The following KCNIP3 variants were observed in gnomAD, a reference collection of about 807,000 sequenced individuals.
The protein encoded by KCNIP3 is calsenilin.
A neutral mutation model predicts 35.0 loss-of-function variants in KCNIP3; 28 were observed. That is an observed-to-expected ratio of 0.80 (90% CI 0.59 to 1.10). The LOEUF is 1.10. Ranked by LOEUF, KCNIP3 falls within the 50% of genes least tolerant of loss-of-function variation. The pLI is 0.00. For synonymous variants in KCNIP3, 134 were observed against 133.8 expected (o/e 1.00, Z -0.01); for missense variants, 295 against 338.4 (o/e 0.87, Z 1.01).
chr2:95,371,859 T>C (rs1271570409), intron 2 of KCNIP3, among the ~76,000 whole-genome samples: 12 of 150,764 alleles, frequency 8.0e-5, no homozygotes, highest in African/African-American at 2.7e-4. Flanking sequence ...GGCTGGAGTG[T>C]AATGGCGCGA....
intron 2 of KCNIP3, among the ~76,000 whole-genome samples, chr2:95,362,052 T>C (rs938996628): frequency 6.6e-6 from 1 of 151,810 alleles, no homozygotes; most frequent in African/African-American, 2.4e-5. Flanking sequence ...TGTCTTCATG[T>C]GGCCTTTTGC....
chr2:95,323,774 A>G (rs1678654378), intron 2 of KCNIP3, among the ~76,000 whole-genome samples: 1 of 151,712 alleles, frequency 6.6e-6, no homozygotes, highest in South Asian at 2.1e-4. Flanking sequence ...TCTCCCTAGC[A>G]GCCCCTGCCC....
chr2:95,321,078 G>C (rs2104226642), intron 2 of KCNIP3, among the ~76,000 whole-genome samples: 1 of 127,262 alleles, frequency 7.9e-6, no homozygotes, highest in Non-Finnish European at 1.7e-5. Context: ...CTCCTCCCTG[G>C]CCCTGCCCCC....
rs199894648 is a variant in KCNIP3 at position 95,383,951 on chromosome 2, G to A, written c.724-51G>A. On this transcript the variant is annotated intron_variant, in intron 8 of 8. Coordinates refer to ENST00000295225, the MANE Select transcript of KCNIP3 (RefSeq NM_013434.5). ...GGCGGGAATCTGCTCAAGGGGGTCGGATTTGGAGCCCACCCAGCACCTGAA... is the reference window on the plus strand; with the variant it reads ...GGCGGGAATCTGCTCAAGGGGGTCGAATTTGGAGCCCACCCAGCACCTGAA... 5.7e-4 allele frequency: 886 copies of A among 1,560,936 alleles called. 1 individual carries two copies. Among genetic ancestry groups the A allele is most frequent in the South Asian group, 8.6e-4 (77 of 89,950 alleles).
At position 95,304,841 on chromosome 2, in the gene KCNIP3, G is replaced by A. The variant is rs115202616; in HGVS notation, c.16-5514G>A. Among the ~76,000 whole-genome samples, 1,167 of 152,328 alleles carry A rather than the reference G, an allele frequency of 7.7e-3. 15 individuals carry two copies. Among genetic ancestry groups the A allele is most frequent in the African/African-American group, 0.027 (1,125 of 41,570 alleles). Reference sequence around the variant, plus strand: ...CCCCACAGGCCAGGAGGACTTAGAAGGAAGTTGAGGCCTGGTCCTGGCCTG... The same window carrying A: ...CCCCACAGGCCAGGAGGACTTAGAAAGAAGTTGAGGCCTGGTCCTGGCCTG... On this transcript the variant is annotated intron_variant, in intron 1 of 8. Coordinates refer to ENST00000295225, the MANE Select transcript of KCNIP3 (RefSeq NM_013434.5).
At chr2:95,375,437 G>A (rs1680161063) in intron 5 of KCNIP3, among the ~76,000 whole-genome samples, 1 of 151,986 alleles carries the variant, frequency 6.6e-6, no homozygotes, top group Non-Finnish European at 1.5e-5. Flanking sequence ...TTCCATTTGA[G>A]AGTTTGCATC....
intron 2 of KCNIP3, among the ~76,000 whole-genome samples, chr2:95,323,944 ACGT>A (rs1195978038): frequency 2.0e-5 from 3 of 152,194 alleles, no homozygotes; most frequent in African/African-American, 7.2e-5. Context: ...TGCCAGGGCC[ACGT>A]GCAGGGCTTC....
intron 2 of KCNIP3, among the ~76,000 whole-genome samples, chr2:95,329,643 G>C (rs980669067): frequency 1.3e-5 from 2 of 152,228 alleles, no homozygotes; most frequent in African/African-American, 4.8e-5. Context: ...TGCCGGGAGT[G>C]GGGGGACCCG....
At chr2:95,383,897 C>A in intron 8 of KCNIP3, 105 bp from the exon 9 acceptor site, 2 of 953,014 alleles carry the variant, frequency 2.1e-6, no homozygotes, top group Non-Finnish European at 3.4e-6. Flanking sequence ...GACAGACAGA[C>A]AGGCAGTCGC....
intron 2 of KCNIP3, chr2:95,368,616 T>C: frequency 2.8e-6 from 1 of 358,264 alleles, no homozygotes; most frequent in Middle Eastern, 4.8e-4. Context: ...CGTTTCTGTG[T>C]GTGAACACTT....
chr2:95,347,178 G>C, intron 2 of KCNIP3: 1 of 1,455,994 alleles, frequency 6.9e-7, no homozygotes, highest in African/African-American at 1.4e-5. Flanking sequence ...GTGGTCTGGA[G>C]GGAGGGACCA....
chr2:95,374,871 C>A lies in KCNIP3; in HGVS notation c.330C>A (p.Asp110Glu), dbSNP rs762093531. The A allele has an allele frequency of 5.0e-6, 8 of 1,613,800 alleles. No individual in the cohort carries two copies. Among genetic ancestry groups the A allele is most frequent in the African/African-American group, 2.7e-5 (2 of 74,900 alleles). ...AGGAGTGTCCCACGGGCCTGGTGGA[C>A]GAAGACACCTTCAAACTCATTTACG... is the stretch of plus-strand genomic sequence containing the variant. ...FKNECPTGLV[D>E]EDTFKLIYAQ... The change falls in exon 4 of 9, where the codon GAC (aspartate) becomes GAA (glutamate). Residue 110 changes from aspartate to glutamate, a missense_variant. Coordinates refer to ENST00000295225, the MANE Select transcript of KCNIP3 (RefSeq NM_013434.5).
chr2:95,349,577 G>C (rs1432081814), intron 2 of KCNIP3, among the ~76,000 whole-genome samples: 7 of 152,224 alleles, frequency 4.6e-5, no homozygotes, highest in Admixed American at 4.6e-4. Flanking sequence ...GGAGCAGGAA[G>C]CTCGCCCCTT....
At chr2:95,380,917 G>A (rs577466206) in intron 5 of KCNIP3, among the ~76,000 whole-genome samples, 3 of 152,310 alleles carry the variant, frequency 2.0e-5, no homozygotes, top group African/African-American at 7.2e-5. Context: ...GGAGGCTGAG[G>A]TGGAGGATCG....
intron 2 of KCNIP3, among the ~76,000 whole-genome samples, chr2:95,333,187 C>T (rs890206167): frequency 1.3e-5 from 2 of 152,174 alleles, no homozygotes; most frequent in African/African-American, 4.8e-5. Flanking sequence ...GATAAATCCC[C>T]GGCCACAGAC....
intron 1 of KCNIP3, among the ~76,000 whole-genome samples, chr2:95,299,798 C>T (rs1677975150): frequency 1.3e-5 from 2 of 152,244 alleles, no homozygotes; most frequent in Admixed American, 1.3e-4. Flanking sequence ...CCAGGCTGCA[C>T]TGGGAAGAAA....
intron 2 of KCNIP3, among the ~76,000 whole-genome samples, chr2:95,336,714 G>A (rs529491904): frequency 3.3e-5 from 5 of 152,272 alleles, no homozygotes; most frequent in East Asian, 3.9e-4. Flanking sequence ...AAATCACACC[G>A]TTCCTGTCAA....
At chr2:95,363,575 C>A (rs1426834405) in intron 2 of KCNIP3, among the ~76,000 whole-genome samples, 1 of 151,970 alleles carries the variant, frequency 6.6e-6, no homozygotes, top group Non-Finnish European at 1.5e-5. Flanking sequence ...TTGTTTGTTT[C>A]TCCATATACA....
At chr2:95,315,315 T>C (rs1678425137) in intron 2 of KCNIP3, among the ~76,000 whole-genome samples, 2 of 152,128 alleles carry the variant, frequency 1.3e-5, no homozygotes, top group South Asian at 4.2e-4. Flanking sequence ...GAAGTTCTTT[T>C]ATTGAATCTA....
Sources: gnomAD v4.1 joint callset for allele counts (sites outside exome capture counted in the v4.1 genomes callset) on GRCh38, gnomAD v4.1.1 for gene constraint, MANE v1.5 for transcripts, NCBI Gene and HGNC (gene_info 2026-07-23, HGNC 2026-07-21) for gene names.